Variants in ROBO1 observed in about 807,000 individuals in gnomAD.
ROBO1 encodes the protein roundabout guidance receptor 1.
A neutral mutation model predicts 195.9 loss-of-function variants in ROBO1; 149 were observed. That is an observed-to-expected ratio of 0.76 (90% CI 0.67 to 0.87). ROBO1 has a LOEUF of 0.87. Ranked by LOEUF, ROBO1 falls within the 40% of genes least tolerant of loss-of-function variation. The pLI is 0.00. For missense variants in ROBO1, 1,933 were observed against 2,068.3 expected (o/e 0.93, Z 1.27); for synonymous variants, 816 against 733.2 (o/e 1.11, Z -1.82).
chr3:79,066,864 C>T (rs2079011539), intron 3 of ROBO1, among the ~76,000 whole-genome samples: 1 of 151,842 alleles, frequency 6.6e-6, no homozygotes, highest in Non-Finnish European at 1.5e-5. Context: ...GGCTGGAATA[C>T]ATTTGAAGGA....
At chr3:78,735,755 C>T (rs920932869) in intron 5 of ROBO1, among the ~76,000 whole-genome samples, 1 of 151,808 alleles carries the variant, frequency 6.6e-6, no homozygotes, top group African/African-American at 2.4e-5. Context: ...CCATGAAAAC[C>T]CTTTGTTGTT....
chr3:79,087,835 C>A (rs1431852318), intron 3 of ROBO1, among the ~76,000 whole-genome samples: 1 of 152,044 alleles, frequency 6.6e-6, no homozygotes, highest in Non-Finnish European at 1.5e-5. Context: ...CTACCCCAAA[C>A]AATATTGATA....
chr3:79,369,865 CT>C (rs1427837561), intron 2 of ROBO1, among the ~76,000 whole-genome samples: 2 of 151,984 alleles, frequency 1.3e-5, no homozygotes. Context: ...ATTTGCAGTT[CT>C]AAAACTTTTG....
At chr3:79,209,280 A>G (rs1026210416) in intron 2 of ROBO1, among the ~76,000 whole-genome samples, 2 of 152,116 alleles carry the variant, frequency 1.3e-5, no homozygotes, top group African/African-American at 4.8e-5. Context: ...AACTAGAATA[A>G]TGCCTCCAAC....
chr3:78,730,441 T>A (rs1305625464), intron 5 of ROBO1, among the ~76,000 whole-genome samples: 1 of 121,990 alleles, frequency 8.2e-6, no homozygotes, highest in Non-Finnish European at 2.0e-5. Flanking sequence ...TTTACAGAAA[T>A]GCATTTTTTA....
chr3:79,473,030 T>A lies in ROBO1; in HGVS notation c.88+116794A>T, dbSNP rs369280472. Among the ~76,000 whole-genome samples the A allele has an allele frequency of 5.3e-5, 8 of 152,094 alleles. No individual in the cohort carries two copies. The East Asian group carries it at 1.5e-3, about 29-fold the overall frequency. ...GGAAACACTTAATTAAAAACACAAG[T>A]GGGTTGAATTGATTCCTCCAAAAAG... On this transcript the variant is annotated intron_variant, in intron 2 of 30. Coordinates refer to ENST00000464233, the MANE Select transcript of ROBO1 (RefSeq NM_002941.4).
chr3:78,736,155 G>GT (rs1238375307), intron 5 of ROBO1, among the ~76,000 whole-genome samples: 1 of 152,086 alleles, frequency 6.6e-6, no homozygotes, highest in African/African-American at 2.4e-5. Flanking sequence ...TAAGAAATAC[G>GT]TAATTGTATG....
At chr3:79,003,146 CATT>C in intron 3 of ROBO1, among the ~76,000 whole-genome samples, 1 of 152,222 alleles carries the variant, frequency 6.6e-6, no homozygotes, top group Admixed American at 6.5e-5. Context: ...ACAGCATAAA[CATT>C]ATTATATTTT....
At chr3:78,601,117 T>C (rs1213556653) in intron 29 of ROBO1, among the ~76,000 whole-genome samples, 1 of 152,180 alleles carries the variant, frequency 6.6e-6, no homozygotes, top group Non-Finnish European at 1.5e-5. Context: ...GCCTTTTAGA[T>C]GACAAACACA....
At chr3:79,657,762 G>T (rs1029557180) in intron 1 of ROBO1, among the ~76,000 whole-genome samples, 1 of 152,020 alleles carries the variant, frequency 6.6e-6, no homozygotes, top group Non-Finnish European at 1.5e-5. Context: ...AATAAAAGGG[G>T]ATCATATCTA....
At chr3:79,091,633 A>G (rs1429701671) in intron 3 of ROBO1, among the ~76,000 whole-genome samples, 1 of 152,168 alleles carries the variant, frequency 6.6e-6, no homozygotes, top group Non-Finnish European at 1.5e-5. Context: ...AGTGATAAGG[A>G]CTATGGAAAA....
intron 2 of ROBO1, among the ~76,000 whole-genome samples, chr3:79,147,045 C>G (rs1235793529): frequency 6.6e-6 from 1 of 151,856 alleles, no homozygotes; most frequent in Non-Finnish European, 1.5e-5. Context: ...AGTGTAAAAG[C>G]GTCTCTGATC....
chr3:79,365,896 C>CA (rs5850423), intron 2 of ROBO1, among the ~76,000 whole-genome samples: 62,282 of 126,168 alleles, frequency 0.49, 14,568 homozygotes, highest in African/African-American at 0.52. Context: ...GACTCCGTCT[C>CA]AAAAAAAAAA....
intron 3 of ROBO1, among the ~76,000 whole-genome samples, chr3:78,977,816 A>C (rs905880690): frequency 2.6e-5 from 4 of 152,090 alleles, no homozygotes; most frequent in Admixed American, 2.6e-4. Flanking sequence ...TTAGGACCTT[A>C]CTGAAACTCT....
At chr3:79,336,629 G>A (rs911713572) in intron 2 of ROBO1, among the ~76,000 whole-genome samples, 2 of 152,198 alleles carry the variant, frequency 1.3e-5, no homozygotes, top group Non-Finnish European at 2.9e-5. Context: ...CTAGGGCAGT[G>A]AAGAAGGGAA....
chr3:79,245,443 C>G (rs2082605896), intron 2 of ROBO1, among the ~76,000 whole-genome samples: 1 of 151,990 alleles, frequency 6.6e-6, no homozygotes, highest in Non-Finnish European at 1.5e-5. Flanking sequence ...ATGCATTCAT[C>G]CACTTGAGTA....
chr3:78,968,111 T>C (rs1394703598), intron 3 of ROBO1, among the ~76,000 whole-genome samples: 8 of 152,174 alleles, frequency 5.3e-5, no homozygotes, highest in Admixed American at 5.2e-4. Context: ...GCAAGTTTTA[T>C]TTGTTATCTC....
At chr3:78,649,248 T>G (rs549786906) in intron 19 of ROBO1, among the ~76,000 whole-genome samples, 10 of 152,138 alleles carry the variant, frequency 6.6e-5, no homozygotes, top group Admixed American at 2.0e-4. Context: ...TTGTCATTAC[T>G]TCTCCTAGCT....
intron 3 of ROBO1, among the ~76,000 whole-genome samples, chr3:78,952,024 C>T (rs1379207409): frequency 6.6e-6 from 1 of 151,478 alleles, no homozygotes; most frequent in African/African-American, 2.4e-5. Context: ...TCTATCATGA[C>T]ATTAATATTT....
Sources: allele counts gnomAD v4.1 joint callset (sites outside exome capture counted in the v4.1 genomes callset), GRCh38; gene constraint gnomAD v4.1.1; transcripts MANE v1.5; gene names NCBI Gene and HGNC (gene_info 2026-07-23, HGNC 2026-07-21).